Variants in LRRC31 observed in about 807,000 individuals in gnomAD.
LRRC31 encodes the protein leucine rich repeat containing 31, also known as leucine-rich repeat-containing protein 31.
In LRRC31, 35 loss-of-function variants were observed where a neutral mutation model predicts 46.7. That is an observed-to-expected ratio of 0.75 (90% confidence interval 0.57 to 0.99). The LOEUF is 0.99. Among genes scored for constraint, LRRC31 ranks in the 50% least tolerant of loss-of-function variants. LRRC31 has a pLI of 0.00. For missense variants in LRRC31, 613 were observed against 626.1 expected (o/e 0.98, Z 0.22); for synonymous variants, 236 against 235.1 (o/e 1.00, Z -0.03).
chr3:169,853,584 A>G (rs1452198111), intron 6 of LRRC31: 1 of 985,732 alleles, frequency 1.0e-6, no homozygotes, highest in Non-Finnish European at 1.2e-6. Flanking sequence ...ATGTCTTCCT[A>G]GGTATGACGC....
chr3:169,856,762 T>C lies in LRRC31; in HGVS notation c.598A>G (p.Ile200Val). The change falls in exon 4 of 9, where the codon ATA becomes GTA. Residue 200 changes from isoleucine (I) to valine (V), a missense_variant. Physicochemically the swap from Ile to Val is conservative, Grantham distance 29 (BLOSUM62 3). Coordinates refer to ENST00000316428, the MANE Select transcript of LRRC31 (RefSeq NM_024727.4). ...CAATCCACAAGCTCAATCATTTGTA[T>C]CTTGCTCCCTTTTTGGAACTTCTGA... ...ILQKFQKGSK[I>V]QMIELVDCSL... 6.2e-7 allele frequency: 1 copy of C among 1,610,366 alleles called. No homozygotes were observed. The highest frequency in any genetic ancestry group is 8.5e-7 in the Non-Finnish European group (1 of 1,178,396).
chr3:169,850,107 T>C (rs1780712313), intron 7 of LRRC31, among the ~76,000 whole-genome samples: 1 of 152,202 alleles, frequency 6.6e-6, no homozygotes, highest in Non-Finnish European at 1.5e-5. Context: ...TCCTTAAAAA[T>C]GAATTGTACT....
chr3:169,841,235 A>C (rs1026951312), intron 8 of LRRC31, among the ~76,000 whole-genome samples: 2 of 152,230 alleles, frequency 1.3e-5, no homozygotes, highest in African/African-American at 4.8e-5. Flanking sequence ...TCTTTCACCC[A>C]GTGCCCCAAT....
At chr3:169,861,910 C>G (rs1781179903) in intron 1 of LRRC31, 97 bp from the exon 2 acceptor site, 4 of 1,262,614 alleles carry the variant, frequency 3.2e-6, no homozygotes, top group African/African-American at 1.5e-5. Context: ...CTGCATAACT[C>G]TGAATTGCTC....
At chr3:169,844,525 G>C (rs1160950877) in intron 8 of LRRC31, among the ~76,000 whole-genome samples, 1 of 152,092 alleles carries the variant, frequency 6.6e-6, no homozygotes, top group East Asian at 1.9e-4. Context: ...TAGCTTAGGG[G>C]ACTAAGACTG....
chr3:169,862,295 C>T (rs1305722244), intron 1 of LRRC31, among the ~76,000 whole-genome samples: 5 of 152,192 alleles, frequency 3.3e-5, no homozygotes, highest in Admixed American at 3.3e-4. Context: ...TCTTGCCGGT[C>T]AGTTTCTAGA....
chr3:169,847,955 G>A (rs1023829945), intron 8 of LRRC31, among the ~76,000 whole-genome samples, 165 bp downstream of exon 8: 3 of 152,092 alleles, frequency 2.0e-5, no homozygotes, highest in East Asian at 1.9e-4. Context: ...AATTGCCTTC[G>A]CTCATTTTAA....
intron 1 of LRRC31, among the ~76,000 whole-genome samples, chr3:169,863,205 C>G (rs930496924): frequency 1.3e-5 from 2 of 152,024 alleles, no homozygotes; most frequent in African/African-American, 4.8e-5. Context: ...TTAAGACATA[C>G]ATAAAACACA....
intron 1 of LRRC31, among the ~76,000 whole-genome samples, chr3:169,867,066 T>TTTTG (rs1781357584): frequency 6.9e-6 from 1 of 144,312 alleles, no homozygotes; most frequent in African/African-American, 2.8e-5. Context: ...TTTGTTTTTT[T>TTTTG]TTTTTTGAGG....
Position 169,861,653 on chromosome 3 carries a change from G to C in LRRC31, c.319+17C>G. 6.2e-7 allele frequency: 1 copy of C among 1,611,910 alleles called. No individual in the cohort carries two copies. Among genetic ancestry groups the C allele is most frequent in the Non-Finnish European group, 8.5e-7 (1 of 1,179,124 alleles). ...AAGGCCCTATCTTCCTCTATGCAAA[G>C]TCTGCTGCATACAGACCCATTTCTT... On this transcript the variant is annotated intron_variant, in intron 2 of 8. Transcript: ENST00000316428.
intron 1 of LRRC31, among the ~76,000 whole-genome samples, chr3:169,865,401 A>G (rs1388957676): frequency 6.6e-6 from 1 of 152,172 alleles, no homozygotes; most frequent in African/African-American, 2.4e-5. Context: ...GTAACCACAC[A>G]GGAGCCGCTC....
intron 8 of LRRC31, among the ~76,000 whole-genome samples, chr3:169,840,952 C>T (rs1293959694): frequency 2.0e-5 from 3 of 152,188 alleles, no homozygotes; most frequent in East Asian, 1.9e-4. Context: ...GAGATAACCA[C>T]GGAAAATGGG....
rs904274734 is a variant in LRRC31 at position 169,860,866 on chromosome 3, C to G, written c.320-138G>C. The stretch of plus-strand genomic sequence containing the variant: ...CAGTGGTAGGCACGCTGACTTTGGG[C>G]AAAGCAGGGAGCCCTCAGCTGTACA... On this transcript the variant is annotated intron_variant, in intron 2 of 8. Coordinates refer to ENST00000316428, the MANE Select transcript of LRRC31 (RefSeq NM_024727.4). The G allele has an allele frequency of 9.1e-6, 7 of 772,788 alleles. No homozygotes were observed. In the African/African-American group the frequency reaches 1.2e-4, roughly 14 times the overall value. The allele number at this position is 772,788 out of a possible 1,614,324, so 47.9% of individuals were successfully genotyped here.
chr3:169,861,374 T>TAA (rs756902027), intron 2 of LRRC31, among the ~76,000 whole-genome samples: 2,050 of 134,158 alleles, frequency 0.015, 52 homozygotes, highest in African/African-American at 0.053. Context: ...GCCTTTTTCT[T>TAA]AAAAAAAAAA....
At chr3:169,854,114 AGGGAGACCATTT>A (rs1403563399) in intron 6 of LRRC31, among the ~76,000 whole-genome samples, 1 of 152,226 alleles carries the variant, frequency 6.6e-6, no homozygotes, top group Non-Finnish European at 1.5e-5. Flanking sequence ...GTTAGAGGAC[AGGGAGACCATTT>A]GGGCTCTTGC....
Position 169,857,343 on chromosome 3 carries a change from T to TAAAC in LRRC31, c.488-472_488-471insGTTT, listed in dbSNP as rs1388668873. Reference sequence around the variant, plus strand: ...CTATATATATATATATATATATATATATACACACACACACACACACACACA... The same window carrying TAAAC: ...CTATATATATATATATATATATATATAAACATACACACACACACACACACACACA... On this transcript the variant is annotated intron_variant, in intron 3 of 8. Transcript: ENST00000316428. Among the ~76,000 whole-genome samples the TAAAC allele has an allele frequency of 2.0e-5, 2 of 102,458 alleles. 1 individual carries two copies. Among genetic ancestry groups the TAAAC allele is most frequent in the African/African-American group, 7.4e-5 (2 of 27,172 alleles). 67.2% of individuals were successfully genotyped at this position (102,458 alleles called of 152,430 possible).
chr3:169,867,275 A>C (rs1168750903), intron 1 of LRRC31, among the ~76,000 whole-genome samples: 1 of 122,724 alleles, frequency 8.1e-6, no homozygotes, highest in Non-Finnish European at 1.6e-5. Context: ...TTTGAGACAG[A>C]GTCTTGCTCT....
intron 6 of LRRC31, 35 bp downstream of exon 6, chr3:169,854,778 A>G: frequency 6.5e-7 from 1 of 1,538,892 alleles, no homozygotes; most frequent in Non-Finnish European, 8.9e-7. Flanking sequence ...CCAAGATTCC[A>G]AAAGTCTTTC....
chr3:169,854,824 A>G lies in LRRC31; in HGVS notation c.980T>C (p.Val327Ala), dbSNP rs754360199. 5 of 1,612,168 alleles carry G rather than the reference A, an allele frequency of 3.1e-6. No homozygotes were observed. The highest frequency in any genetic ancestry group is 4.2e-6 in the Non-Finnish European group (5 of 1,178,440). Reference sequence around the variant, plus strand: ...CAATATATACTTACTCAGTGACATCACGTCATCTGCTGTTAGTGAGCACTG... The same window carrying G: ...CAATATATACTTACTCAGTGACATCGCGTCATCTGCTGTTAGTGAGCACTG... ...LHQCSLTADD[V>A]MSLTQVIPLL... The change falls in exon 6 of 9, where the codon GTG (valine) becomes GCG (alanine). Residue 327 changes from valine to alanine, a missense_variant. Val to Ala is a moderately conservative substitution (Grantham distance 64). Transcript: ENST00000316428.
Sources: allele counts gnomAD v4.1 joint callset (sites outside exome capture counted in the v4.1 genomes callset), GRCh38; gene constraint gnomAD v4.1.1; transcripts MANE v1.5; gene names NCBI Gene and HGNC (gene_info 2026-07-23, HGNC 2026-07-21).